ZNF778: variants seen among roughly 807,000 people sequenced by gnomAD.
ZNF778 encodes the protein zinc finger protein 778.
In ZNF778, 37 loss-of-function variants were observed where a neutral mutation model predicts 23.9. The observed-to-expected ratio is 1.54, with a 90% confidence interval of 1.19 to 2.03. The LOEUF (loss-of-function observed/expected upper bound fraction) is 2.03. Ranked by LOEUF, ZNF778 falls within the 30% of genes most tolerant of loss-of-function variation. The pLI is 0.00. For missense variants in ZNF778, 1,297 were observed against 934.4 expected (o/e 1.39, Z -5.06); for synonymous variants, 483 against 343.9 (o/e 1.40, Z -4.48).
rs899420237 is a variant in ZNF778, at chr16:89,234,341, C to T, written c.*5779C>T. 1 of 314,876 alleles carries T rather than the reference C, an allele frequency of 3.2e-6. No homozygotes were observed. The allele number at this position is 314,876 out of a possible 1,614,324, so 19.5% of individuals were successfully genotyped here. A position where few individuals can be genotyped will look rare whatever the true frequency, so the allele number is the denominator to read the frequency against. On this transcript the variant is annotated 3_prime_UTR_variant, in exon 7 of 7. Coordinates refer to ENST00000433976, the MANE Select transcript of ZNF778 (RefSeq NM_001201407.2). ...TATTCTTTCTCTCTACTCGTTCAAC[C>T]TTCTTAGGGAGTGACGTTTTTTCCA... is the stretch of plus-strand genomic sequence containing the variant.
chr16:89,222,079 C>G lies in ZNF778; in HGVS notation c.26-13C>G. On this transcript the variant is annotated splice_polypyrimidine_tract_variant and intron_variant, in intron 2 of 6. Coordinates refer to ENST00000433976, the MANE Select transcript of ZNF778 (RefSeq NM_001201407.2). ...CTGGGTTCTCATGCCTTCTTGCCTTCTTTGTTTTTTAGGAGGTCATGTTTC... is the reference window on the plus strand; with the variant it reads ...CTGGGTTCTCATGCCTTCTTGCCTTGTTTGTTTTTTAGGAGGTCATGTTTC... 3.2e-6 allele frequency: 5 copies of G among 1,580,410 alleles called. No homozygotes were observed. Among genetic ancestry groups the G allele is most frequent in the Non-Finnish European group, 4.3e-6 (5 of 1,157,836 alleles).
Position 89,228,840 on chromosome 16 carries a change from T to G in ZNF778, c.*278T>G. On this transcript the variant is annotated 3_prime_UTR_variant, in exon 7 of 7. Coordinates refer to ENST00000433976, the MANE Select transcript of ZNF778 (RefSeq NM_001201407.2). The stretch of plus-strand genomic sequence containing the variant: ...GCATTGTTGCTGTTCTGCTCAGTAC[T>G]TTGATGATCCCTTGTGATCTCACAA... 3 of 1,139,492 alleles carry G rather than the reference T, an allele frequency of 2.6e-6. No homozygotes were observed. The highest frequency in any genetic ancestry group is 3.7e-4 in the Middle Eastern group (1 of 2,690). 70.6% of individuals were successfully genotyped at this position (1,139,492 alleles called of 1,614,324 possible).
At position 89,229,490 on chromosome 16, in the gene ZNF778, TAGTC is replaced by T. The variant is rs1260549832; in HGVS notation, c.*929_*932del. 5.1e-6 allele frequency: 5 copies of T among 974,518 alleles called. No individual in the cohort carries two copies. The Admixed American group carries it at 3.2e-4, about 62-fold the overall frequency. 60.4% of individuals were successfully genotyped at this position (974,518 alleles called of 1,614,324 possible). ...GTGAGCAGCGTAGGCTCTGGTTGGT[TAGTC>T]TTGAGGATCCAGATGTGATTCTGTG... On this transcript the variant is annotated 3_prime_UTR_variant, in exon 7 of 7. Coordinates refer to ENST00000433976, the MANE Select transcript of ZNF778 (RefSeq NM_001201407.2).
chr16:89,221,842 G>A (rs980778184), intron 2 of ZNF778, among the ~76,000 whole-genome samples: 1 of 150,178 alleles, frequency 6.7e-6, no homozygotes, highest in Admixed American at 6.7e-5. Flanking sequence ...GTGTTTTCTT[G>A]AGGAAGTGTA....
rs2031578959 is a variant in ZNF778, at chr16:89,227,379, C to T, written c.1091C>T (p.Pro364Leu). 1.2e-6 allele frequency: 2 copies of T among 1,613,930 alleles called. No individual in the cohort carries two copies. The highest frequency in any genetic ancestry group is 2.7e-5 in the African/African-American group (2 of 75,018). The change falls in exon 7 of 7, where the codon CCC (proline) becomes CTC (leucine). Residue 364 changes from proline (P) to leucine (L), a missense_variant. Coordinates refer to ENST00000433976, the MANE Select transcript of ZNF778 (RefSeq NM_001201407.2). ...GTCCAAACAGACCCTGGACAGAAGC[C>T]CTATGAATGTAAGGACTGTGGGAAA... is the stretch of plus-strand genomic sequence containing the variant. ...KHVQTDPGQK[P>L]YECKDCGKAC...
rs796975727 is a variant in ZNF778, at chr16:89,229,169, A to G, written c.*607A>G. ...GTGTCCACGTCGCAGCCTGGCTAACAGTAGGCCTTGAGGACTCAGATGTGA... is the reference window on the plus strand; with the variant it reads ...GTGTCCACGTCGCAGCCTGGCTAACGGTAGGCCTTGAGGACTCAGATGTGA... On this transcript the variant is annotated 3_prime_UTR_variant, in exon 7 of 7. Transcript: ENST00000433976. The G allele has an allele frequency of 4.1e-6, 4 of 986,012 alleles. No homozygotes were observed. In the African/African-American group the frequency reaches 7.0e-5, roughly 17 times the overall value. The allele number at this position is 986,012 out of a possible 1,614,324, so 61.1% of individuals were successfully genotyped here.
intron 1 of ZNF778, chr16:89,218,180 A>G (rs1272867477): frequency 6.6e-6 from 1 of 152,188 alleles, no homozygotes; most frequent in African/African-American, 2.4e-5. Context: ...TCTTGGAGTA[A>G]TCGAATCCAC....
chr16:89,219,755 T>C (rs2030734988), intron 1 of ZNF778, among the ~76,000 whole-genome samples: 1 of 152,284 alleles, frequency 6.6e-6, no homozygotes, highest in Admixed American at 6.5e-5. Flanking sequence ...CACTTGGCAC[T>C]GGCAGCCTTA....
chr16:89,228,890 G>T lies in ZNF778; in HGVS notation c.*328G>T. On this transcript the variant is annotated 3_prime_UTR_variant, in exon 7 of 7. Coordinates refer to ENST00000433976, the MANE Select transcript of ZNF778 (RefSeq NM_001201407.2). The stretch of plus-strand genomic sequence containing the variant: ...ATGAAGAAAAACCTTAGGAGGGTGA[G>T]AATTGTTGGGAAGTCATTTTTTACA... 9.7e-7 allele frequency: 1 copy of T among 1,035,680 alleles called. No individual in the cohort carries two copies. Among genetic ancestry groups the T allele is most frequent in the Non-Finnish European group, 1.2e-6 (1 of 862,948 alleles). The allele number at this position is 1,035,680 out of a possible 1,614,324, so 64.2% of individuals were successfully genotyped here.
At position 89,223,213 on chromosome 16, in the gene ZNF778, A is replaced by C. The variant is rs1160998634; in HGVS notation, c.174A>C (p.Leu58Phe). ...AVDFTQEEWT[L>F]LDPSQRDLYR... ...ACTTCACCCAGGAGGAATGGACTTT[A>C]CTGGACCCATCTCAGAGAGACCTCT... The change falls in exon 4 of 7, where the codon TTA becomes TTC. Residue 58 changes from leucine to phenylalanine, a missense_variant. Coordinates refer to ENST00000433976, the MANE Select transcript of ZNF778 (RefSeq NM_001201407.2). 14 of 1,613,954 alleles carry C rather than the reference A, an allele frequency of 8.7e-6. No homozygotes were observed. The highest frequency in any genetic ancestry group is 5.9e-6 in the Non-Finnish European group (7 of 1,179,990).
At position 89,221,132 on chromosome 16, in the gene ZNF778, C is replaced by A; in HGVS notation, c.5C>A (p.Ala2Glu). 1 of 1,567,570 alleles carries A rather than the reference C, an allele frequency of 6.4e-7. No homozygotes were observed. The highest frequency in any genetic ancestry group is 1.9e-5 in the Admixed American group (1 of 53,340). M[A>E]APDLAHGGHV... ...CGCTTCCGTCAGCCTCCCAGGATGG[C>A]AGCCCCTGACCTGGCCCACGGTAAG... Residue 2 changes from alanine to glutamate, a missense_variant, in exon 2 of 7, where the codon GCA becomes GAA. Transcript: ENST00000433976.
intron 1 of ZNF778, among the ~76,000 whole-genome samples, chr16:89,219,840 C>G (rs909760327): frequency 6.6e-6 from 1 of 152,240 alleles, no homozygotes; most frequent in Non-Finnish European, 1.5e-5. Context: ...AGTGTTGTGC[C>G]TCTTTTTTGG....
rs2031835828 is a variant in ZNF778, at chr16:89,230,098, A to T, written c.*1536A>T. The T allele has an allele frequency of 2.2e-6, 2 of 904,980 alleles. No homozygotes were observed. The highest frequency in any genetic ancestry group is 5.1e-5 in the South Asian group (1 of 19,426). The allele number at this position is 904,980 out of a possible 1,614,324, so 56.1% of individuals were successfully genotyped here. The stretch of plus-strand genomic sequence containing the variant: ...TTAGTCATGCTCTTAGGCATGACCC[A>T]CCTGTAGGGTCCCACACTGGCCAAT... On this transcript the variant is annotated 3_prime_UTR_variant, in exon 7 of 7. Transcript: ENST00000433976.
Position 89,227,492 on chromosome 16 carries a change from T to C in ZNF778, c.1204T>C (p.Phe402Leu). The C allele has an allele frequency of 2.5e-6, 4 of 1,613,604 alleles. No homozygotes were observed. Among genetic ancestry groups the C allele is most frequent in the Non-Finnish European group, 3.4e-6 (4 of 1,179,772 alleles). The change falls in exon 7 of 7, where the codon TTT becomes CTT. Residue 402 changes from phenylalanine to leucine, a missense_variant. Phe to Leu is a conservative substitution (Grantham distance 22, BLOSUM62 0). Coordinates refer to ENST00000433976, the MANE Select transcript of ZNF778 (RefSeq NM_001201407.2). ...TGCATGTGTGGTTTGCGGAAAATAT[T>C]TTAGAAATTCCTCATGCCTTAATAA... is the stretch of plus-strand genomic sequence containing the variant. ...PFACVVCGKY[F>L]RNSSCLNNHV...
In ZNF778 at chr16:89,223,299, T is replaced by G; in HGVS notation, c.244+16T>G. The stretch of plus-strand genomic sequence containing the variant: ...GCCTCAGTAGGTGAGGCTGCCACCG[T>G]CCTTTGCAACTTCTGTGGAACCAAT... On this transcript the variant is annotated intron_variant, in intron 4 of 6. Coordinates refer to ENST00000433976, the MANE Select transcript of ZNF778 (RefSeq NM_001201407.2). 6.2e-7 allele frequency: 1 copy of G among 1,613,362 alleles called. No homozygotes were observed. The highest frequency in any genetic ancestry group is 8.5e-7 in the Non-Finnish European group (1 of 1,179,782).
At chr16:89,222,244 TTCTGTCTGAGCAGACTTG>T in intron 3 of ZNF778, 61 bp downstream of exon 3, 1 of 1,371,764 alleles carries the variant, frequency 7.3e-7, no homozygotes, top group South Asian at 1.3e-5. Context: ...ATAGACAAGT[TTCTGTCTGAGCAGACTTG>T]TCTGCACAGC....
At position 89,234,531 on chromosome 16, in the gene ZNF778, G is replaced by T. The variant is rs1597374140; in HGVS notation, c.*5969G>T. On this transcript the variant is annotated 3_prime_UTR_variant, in exon 7 of 7. Transcript: ENST00000433976. ...TGATCTTTGTTCTTTTTTAGAAATA[G>T]TGAGGCTGTTGTGAGGTGAGTCACC... 1.1e-5 allele frequency: 2 copies of T among 176,746 alleles called. No homozygotes were observed. Among genetic ancestry groups the T allele is most frequent in the East Asian group, 3.0e-4 (2 of 6,626 alleles). The allele number at this position is 176,746 out of a possible 1,614,324, so 10.9% of individuals were successfully genotyped here.
In ZNF778 at chr16:89,232,467, G is replaced by C. The variant is rs1020388943; in HGVS notation, c.*3905G>C. On this transcript the variant is annotated 3_prime_UTR_variant, in exon 7 of 7. Transcript: ENST00000433976. The stretch of plus-strand genomic sequence containing the variant: ...AAGCATGATGGAAAACTGGGTTATG[G>C]GCAGGACTGCAAGTACTGGTTAGGC... 7.5e-6 allele frequency: 3 copies of C among 400,336 alleles called. No homozygotes were observed. In the Admixed American group the frequency reaches 1.3e-4, roughly 17 times the overall value. The allele number at this position is 400,336 out of a possible 1,614,324, so 24.8% of individuals were successfully genotyped here.
Position 89,226,665 on chromosome 16 carries a change from C to A in ZNF778, c.406-29C>A, listed in dbSNP as rs183190116. On this transcript the variant is annotated intron_variant, in intron 6 of 6. Transcript: ENST00000433976. ...ATCTATGAATCAGCCTCAGTAACCC[C>A]CTGACCACCACTCATTCTTCACCAA... is the stretch of plus-strand genomic sequence containing the variant. 253 of 1,580,778 alleles carry A rather than the reference C, an allele frequency of 1.6e-4. No homozygotes were observed. The African/African-American group carries it at 3.2e-3, about 20-fold the overall frequency.
Sources: gnomAD v4.1 joint callset for allele counts (sites outside exome capture counted in the v4.1 genomes callset) on GRCh38, gnomAD v4.1.1 for gene constraint, MANE v1.5 for transcripts, NCBI Gene and HGNC (gene_info 2026-07-23, HGNC 2026-07-21) for gene names.